Variants in KIAA1549L observed in about 807,000 individuals in gnomAD.
The protein encoded by KIAA1549L is KIAA1549 like, also known as UPF0606 protein KIAA1549L.
A neutral mutation model predicts 160.7 loss-of-function variants in KIAA1549L; 88 were observed. The ratio of observed to expected loss-of-function variants is 0.55; its 90% CI spans 0.46 to 0.65. The LOEUF (loss-of-function observed/expected upper bound fraction) is 0.65, where lower values mean the gene tolerates loss of function less well. Among genes scored for constraint, KIAA1549L ranks in the 30% least tolerant of loss-of-function variants. The pLI is 0.00. For synonymous variants in KIAA1549L, 950 were observed against 976.7 expected (o/e 0.97, Z 0.51); for missense variants, 2,258 against 2,437.5 (o/e 0.93, Z 1.55).
chr11:33,445,884 G>A (rs920074897), intron 1 of KIAA1549L, among the ~76,000 whole-genome samples: 1 of 152,188 alleles, frequency 6.6e-6, no homozygotes, highest in African/African-American at 2.4e-5. Flanking sequence ...AGCCATCTAT[G>A]AGCCAGGAAG....
intron 1 of KIAA1549L, among the ~76,000 whole-genome samples, chr11:33,506,473 A>G (rs1350577245): frequency 6.6e-6 from 1 of 152,118 alleles, no homozygotes; most frequent in Non-Finnish European, 1.5e-5. Flanking sequence ...CACCTGTAAT[A>G]TCAGCACTTT....
At chr11:33,460,688 T>A (rs573732796) in intron 1 of KIAA1549L, among the ~76,000 whole-genome samples, 16 of 152,326 alleles carry the variant, frequency 1.1e-4, no homozygotes, top group African/African-American at 2.9e-4. Context: ...TTGTTGGCCT[T>A]GGGATAGTAC....
intron 20 of KIAA1549L, among the ~76,000 whole-genome samples, chr11:33,667,410 TG>T (rs1852504162): frequency 1.3e-5 from 2 of 151,980 alleles, no homozygotes; most frequent in African/African-American, 4.8e-5. Flanking sequence ...TTTTTTTTTT[TG>T]AGACGGAGTC....
rs1850877190 is a variant in KIAA1549L at position 33,618,467 on chromosome 11, G to T, written c.5280-66G>T. ...CCCTTCATTGGTTGCCTGTACTTTG[G>T]ATCAGTGGAGAATTCCATCTGTCAG... On this transcript the variant is annotated intron_variant, in intron 15 of 20. Transcript: ENST00000658780. The T allele has an allele frequency of 3.4e-6, 5 of 1,474,870 alleles. No homozygotes were observed. In the South Asian group the frequency reaches 6.7e-5, roughly 20 times the overall value. The allele number at this position is 1,474,870 out of a possible 1,614,324, so 91.4% of individuals were successfully genotyped here. A position where few individuals can be genotyped will look rare whatever the true frequency, so the allele number is the denominator to read the frequency against.
At position 33,658,921 on chromosome 11, in the gene KIAA1549L, T is replaced by C. The variant is rs976824530; in HGVS notation, c.6007+23T>C. 7.2e-6 allele frequency: 11 copies of C among 1,529,508 alleles called. No homozygotes were observed. In the African/African-American group the frequency reaches 1.4e-4, roughly 19 times the overall value. The allele number at this position is 1,529,508 out of a possible 1,614,324, so 94.7% of individuals were successfully genotyped here. On this transcript the variant is annotated intron_variant, in intron 19 of 20. Coordinates refer to ENST00000658780, the MANE Select transcript of KIAA1549L (RefSeq NM_012194.3). ...CAGGTGGGCAAGAGAAAAGCCCGAGTGTGCCCCCCACCACTGCTGCTGTGC... is the reference window on the plus strand; with the variant it reads ...CAGGTGGGCAAGAGAAAAGCCCGAGCGTGCCCCCCACCACTGCTGCTGTGC...
At chr11:33,486,540 A>T (rs74608229) in intron 1 of KIAA1549L, among the ~76,000 whole-genome samples, 1 of 152,228 alleles carries the variant, frequency 6.6e-6, no homozygotes, top group African/African-American at 2.4e-5. Context: ...GTGTGAAATG[A>T]TACTTTTATA....
At chr11:33,462,082 C>G (rs143720173) in intron 1 of KIAA1549L, among the ~76,000 whole-genome samples, 2 of 152,154 alleles carry the variant, frequency 1.3e-5, no homozygotes, top group African/African-American at 4.8e-5. Flanking sequence ...AATCCGTAAG[C>G]GGATCACTAT....
intron 1 of KIAA1549L, among the ~76,000 whole-genome samples, chr11:33,420,186 C>T (rs1590232127): frequency 6.7e-6 from 1 of 149,348 alleles, no homozygotes; most frequent in Non-Finnish European, 1.5e-5. Flanking sequence ...TCCCACACAT[C>T]GAACTGAAAT....
At chr11:33,654,651 A>G (rs374936249) in intron 17 of KIAA1549L, among the ~76,000 whole-genome samples, 1 of 152,054 alleles carries the variant, frequency 6.6e-6, no homozygotes, top group African/African-American at 2.4e-5. Flanking sequence ...CTCTTCATCA[A>G]CTGTCAATAT....
intron 1 of KIAA1549L, among the ~76,000 whole-genome samples, chr11:33,505,329 C>T (rs911587884): frequency 6.6e-6 from 1 of 152,118 alleles, no homozygotes; most frequent in Admixed American, 6.5e-5. Context: ...CCAGTGAATG[C>T]CTCTTATCTG....
intron 1 of KIAA1549L, among the ~76,000 whole-genome samples, chr11:33,435,782 A>ATGTGTGTGTGTGTGTG (rs1161737454): frequency 1.4e-4 from 3 of 21,398 alleles, no homozygotes; most frequent in African/African-American, 4.6e-4. Flanking sequence ...ATATATATAT[A>ATGTGTGTGTGTGTGTG]TATATATATA....
chr11:33,460,217 CTT>C (rs1851915084), intron 1 of KIAA1549L, among the ~76,000 whole-genome samples: 1 of 152,052 alleles, frequency 6.6e-6, no homozygotes, highest in Non-Finnish European at 1.5e-5. Flanking sequence ...TGGGAGAGAC[CTT>C]GGCTTCACTG....
Position 33,442,800 on chromosome 11 carries a change from T to C in KIAA1549L, c.238+65911T>C, listed in dbSNP as rs75020468. Among the ~76,000 whole-genome samples the C allele has an allele frequency of 8.5e-3, 1,292 of 152,288 alleles. 21 individuals are homozygous for C. Among genetic ancestry groups the C allele is most frequent in the African/African-American group, 0.03 (1,245 of 41,558 alleles). On this transcript the variant is annotated intron_variant, in intron 1 of 20. Coordinates refer to ENST00000658780, the MANE Select transcript of KIAA1549L (RefSeq NM_012194.3). ...CCTTCTGGAAATCTGGCTAGACGTG[T>C]GTTAAACTTCACTCTGTCCCCCATA...
rs1210337486 is a variant in KIAA1549L at position 33,435,790 on chromosome 11, A to ATGTGTGTGTGTGTGTGTGTG, written c.238+58902_238+58903insGTGTGTGTGTGTGTGTGTGT. Among the ~76,000 whole-genome samples the ATGTGTGTGTGTGTGTGTGTG allele has an allele frequency of 7.7e-5, 2 of 26,100 alleles. 1 individual carries two copies. The highest frequency in any genetic ancestry group is 1.5e-4 in the Non-Finnish European group (2 of 13,466). 17.1% of individuals were successfully genotyped at this position (26,100 alleles called of 152,430 possible). A position where few individuals can be genotyped will look rare whatever the true frequency, so the allele number is the denominator to read the frequency against. On this transcript the variant is annotated intron_variant, in intron 1 of 20. Coordinates refer to ENST00000658780, the MANE Select transcript of KIAA1549L (RefSeq NM_012194.3). The stretch of plus-strand genomic sequence containing the variant: ...TATATATATATATATATATATATAT[A>ATGTGTGTGTGTGTGTGTGTG]TATATATATATATATATATATGTGT...
intron 16 of KIAA1549L, among the ~76,000 whole-genome samples, chr11:33,638,423 A>T (rs1271410339): frequency 3.4e-3 from 29 of 8,458 alleles, no homozygotes; most frequent in African/African-American, 0.014. Context: ...TAAAATAAAT[A>T]AAAAAAAAAA....
chr11:33,435,818 G>GTGTGTA (rs1554976830), intron 1 of KIAA1549L, among the ~76,000 whole-genome samples: 11 of 45,312 alleles, frequency 2.4e-4, no homozygotes, highest in South Asian at 9.2e-4. Flanking sequence ...ATATGTGTGT[G>GTGTGTA]TATATATATA....
Position 33,609,913 on chromosome 11 carries a change from T to A in KIAA1549L, c.5226T>A (p.His1742Gln). 6.2e-7 allele frequency: 1 copy of A among 1,614,002 alleles called. No homozygotes were observed. The highest frequency in any genetic ancestry group is 8.5e-7 in the Non-Finnish European group (1 of 1,179,882). ...AAAAAGCCCCGAAGGAAATGGAGCATGTTTTGGATCCAGATTCAGAACTCT... is the reference window on the plus strand; with the variant it reads ...AAAAAGCCCCGAAGGAAATGGAGCAAGTTTTGGATCCAGATTCAGAACTCT... ...MYEKAPKEME[H>Q]VLDPDSELCA... Residue 1742 changes from histidine (H) to glutamine (Q), a missense_variant, in exon 15 of 21, where the codon CAT becomes CAA. His to Gln is a conservative substitution (Grantham distance 24). Coordinates refer to ENST00000658780, the MANE Select transcript of KIAA1549L (RefSeq NM_012194.3).
chr11:33,568,223 T>C lies in KIAA1549L; in HGVS notation c.4226T>C (p.Val1409Ala). 6.2e-7 allele frequency: 1 copy of C among 1,612,310 alleles called. No homozygotes were observed. Among genetic ancestry groups the C allele is most frequent in the Non-Finnish European group, 8.5e-7 (1 of 1,179,164 alleles). ...GCCACCACCCTGGGAAGCTACACTG[T>C]GCAGGTAGGTGTATACAGAGCCACT... ...KRATTLGSYT[V>A]QMVKMQRVPG... Residue 1409 changes from valine (V) to alanine (A), a missense_variant, in exon 9 of 21, where the codon GTG becomes GCG. This residue lies in a region of KIAA1549L where 1,359 missense variants were observed against 1,546.6 expected (regional missense o/e 0.88). Coordinates refer to ENST00000658780, the MANE Select transcript of KIAA1549L (RefSeq NM_012194.3).
At chr11:33,498,670 A>G (rs892734950) in intron 1 of KIAA1549L, among the ~76,000 whole-genome samples, 1 of 152,204 alleles carries the variant, frequency 6.6e-6, no homozygotes, top group Non-Finnish European at 1.5e-5. Context: ...CTTCCATCAC[A>G]TTCTATTGTC....
Sources: allele counts gnomAD v4.1 joint callset (sites outside exome capture counted in the v4.1 genomes callset), GRCh38; gene constraint gnomAD v4.1.1; regional missense constraint gnomAD v4.1.1; transcripts MANE v1.5; gene names NCBI Gene and HGNC (gene_info 2026-07-23, HGNC 2026-07-21).